Variants in WDR33 observed in about 807,000 individuals in gnomAD.
WDR33 encodes the protein WD repeat domain 33, also known as pre-mRNA 3' end processing protein WDR33.
In WDR33, 47 loss-of-function variants were observed where a neutral mutation model predicts 164.9. The ratio of observed to expected loss-of-function variants is 0.29; its 90% CI spans 0.23 to 0.36. WDR33 has a LOEUF of 0.36. Ranked by LOEUF, WDR33 falls within the 10% of genes least tolerant of loss-of-function variation. The probability of loss-of-function intolerance (pLI) is 1.00; values close to 1 mark genes in which losing one functional copy is unlikely to be tolerated. For synonymous variants in WDR33, 505 were observed against 589.0 expected (o/e 0.86, Z 2.06); for missense variants, 1,137 against 1,754.1 (o/e 0.65, Z 6.28).
In WDR33 at chr2:127,710,868, C is replaced by T. The variant is rs995778484; in HGVS notation, c.3309-1012G>A. On this transcript the variant is annotated intron_variant, in intron 18 of 21. Transcript: ENST00000322313. The surrounding 1 kb of genome is among the most constrained non-coding windows in gnomAD (Gnocchi z 4.4). ...TTACAGTAAAGCTGAAAGAACAGTA[C>T]AATGAACATCCCAGATCCTCCACCC... Among the ~76,000 whole-genome samples, 2 of 152,156 alleles carry T rather than the reference C, an allele frequency of 1.3e-5. No homozygotes were observed. The highest frequency in any genetic ancestry group is 6.5e-5 in the Admixed American group (1 of 15,286).
Position 127,713,932 on chromosome 2 carries a change from T to C in WDR33, c.2959A>G (p.Arg987Gly). 6.2e-7 allele frequency: 1 copy of C among 1,604,996 alleles called. No individual in the cohort carries two copies. Among genetic ancestry groups the C allele is most frequent in the Non-Finnish European group, 8.5e-7 (1 of 1,175,252 alleles). Reference protein sequence around the residue: ...QSGGPEHGPERGPFRGGQDCR... With the variant: ...QSGGPEHGPEGGPFRGGQDCR... ...TCCTGGCCACCCCGGAAAGGCCCCC[T>C]CTCGGGCCCATGCTCAGGCCCGCCG... The change falls in exon 18 of 22, where the codon AGG (arginine) becomes GGG (glycine). Residue 987 changes from arginine (R) to glycine (G), a missense_variant. Arg to Gly is a moderately radical substitution (Grantham distance 125). Coordinates refer to ENST00000322313, the MANE Select transcript of WDR33 (RefSeq NM_018383.5). This position sits in a 1 kb window ranked among gnomAD's most constrained non-coding sequence, Gnocchi z 6.2.
At chr2:127,750,697 T>TGC (rs1558936908) in intron 7 of WDR33, among the ~76,000 whole-genome samples, 3 of 56,734 alleles carry the variant, frequency 5.3e-5, no homozygotes, top group African/African-American at 2.9e-4. Flanking sequence ...TATATATATA[T>TGC]ATATATATAT....
rs1447662364 is a variant in WDR33 at position 127,726,174 on chromosome 2, T to A, written c.851+477A>T. On this transcript the variant is annotated intron_variant, in intron 8 of 21. Coordinates refer to ENST00000322313, the MANE Select transcript of WDR33 (RefSeq NM_018383.5). This position sits in a 1 kb window ranked among gnomAD's most constrained non-coding sequence, Gnocchi z 4.8. ...GCATGTAGCTGTGAATGTTCACAAA[T>A]AACTGAAAGAGAAAACTAGATTACA... 6.6e-6 allele frequency among the ~76,000 whole-genome samples: 1 copy of A among 152,136 alleles called. No homozygotes were observed. The highest frequency in any genetic ancestry group is 1.5e-5 in the Non-Finnish European group (1 of 68,020).
intron 7 of WDR33, among the ~76,000 whole-genome samples, chr2:127,733,994 A>G (rs1327739014): frequency 1.3e-5 from 2 of 152,182 alleles, no homozygotes; most frequent in African/African-American, 2.4e-5. Context: ...CTCACTAAAT[A>G]TAACATCCAG....
At chr2:127,762,469 G>C (rs944776996) in intron 7 of WDR33, 1 of 963,762 alleles carries the variant, frequency 1.0e-6, no homozygotes, top group Non-Finnish European at 1.2e-6. Flanking sequence ...TAAAATAATC[G>C]AAGTGAGAAT....
At chr2:127,805,881 C>T (rs1689420366) in intron 1 of WDR33, among the ~76,000 whole-genome samples, 1 of 151,714 alleles carries the variant, frequency 6.6e-6, no homozygotes, top group African/African-American at 2.4e-5. Context: ...TCTGTTGCCA[C>T]CTATAGCTGG....
At chr2:127,711,781 T>TATATATATATATA (rs1491108798) in intron 18 of WDR33, among the ~76,000 whole-genome samples, 6 of 93,964 alleles carry the variant, frequency 6.4e-5, no homozygotes, top group African/African-American at 1.7e-4. Flanking sequence ...TATATATATA[T>TATATATATATATA]TTTTTTTTTG....
At chr2:127,737,162 A>C (rs1014434465) in intron 7 of WDR33, 1 of 985,322 alleles carries the variant, frequency 1.0e-6, no homozygotes, top group African/African-American at 1.7e-5. Flanking sequence ...AGTATTCATC[A>C]AAGATGCTTA....
Position 127,770,817 on chromosome 2 carries a change from T to C in WDR33, c.165A>G (p.Lys55=), listed in dbSNP as rs1438998042. ...GKRMRKAVNR[K]TIDYNPSVIK... ...TTACAGATGGATTGTAGTCTATGGT[T>C]TTTCGGTTCACAGCTTTTCTCATTC... Residue 55 remains lysine, a synonymous_variant, in exon 2 of 22, where the codon AAA becomes AAG. Transcript: ENST00000322313. This position sits in a 1 kb window ranked among gnomAD's most constrained non-coding sequence, Gnocchi z 4.9. 5.0e-6 allele frequency: 8 copies of C among 1,614,160 alleles called. No individual in the cohort carries two copies. The highest frequency in any genetic ancestry group is 6.8e-6 in the Non-Finnish European group (8 of 1,180,012).
rs1236401945 is a variant in WDR33 at position 127,764,745 on chromosome 2, G to A, written c.626+83C>T. The A allele has an allele frequency of 1.2e-6, 2 of 1,614,142 alleles. No homozygotes were observed. The highest frequency in any genetic ancestry group is 2.2e-5 in the South Asian group (2 of 91,084). On this transcript the variant is annotated intron_variant, in intron 6 of 21. Coordinates refer to ENST00000322313, the MANE Select transcript of WDR33 (RefSeq NM_018383.5). The surrounding 1 kb of genome is among the most constrained non-coding windows in gnomAD (Gnocchi z 6.2). Reference sequence around the variant, plus strand: ...TTTCCCAGAAACTGACAGAGCCCATGCATCTCTGCACCCAGAATACACTTA... The same window carrying A: ...TTTCCCAGAAACTGACAGAGCCCATACATCTCTGCACCCAGAATACACTTA...
chr2:127,735,518 G>A lies in WDR33; in HGVS notation c.725-8741C>T. The A allele has an allele frequency of 2.0e-6, 2 of 985,434 alleles. No homozygotes were observed. The highest frequency in any genetic ancestry group is 2.4e-6 in the Non-Finnish European group (2 of 829,668). 61.0% of individuals were successfully genotyped at this position (985,434 alleles called of 1,614,324 possible). A position where few individuals can be genotyped will look rare whatever the true frequency, so the allele number is the denominator to read the frequency against. ...ATACAAAACTTATAAAAAGCACCAA[G>A]ATTTTCTAATACAGGAAGAAAAAAG... On this transcript the variant is annotated intron_variant, in intron 7 of 21. Coordinates refer to ENST00000322313, the MANE Select transcript of WDR33 (RefSeq NM_018383.5). The surrounding 1 kb of genome is among the most constrained non-coding windows in gnomAD (Gnocchi z 4.3).
intron 1 of WDR33, among the ~76,000 whole-genome samples, chr2:127,804,961 A>G (rs941597314): frequency 6.6e-6 from 1 of 152,152 alleles, no homozygotes; most frequent in Non-Finnish European, 1.5e-5. Context: ...TGGCATTGTA[A>G]ATAACGCAAG....
chr2:127,805,990 G>GA (rs1256867197), intron 1 of WDR33, among the ~76,000 whole-genome samples: 1 of 150,568 alleles, frequency 6.6e-6, no homozygotes, highest in Non-Finnish European at 1.5e-5. Flanking sequence ...GCTCACACCT[G>GA]TAATCCTAGC....
In WDR33 at chr2:127,703,623, C is replaced by T. The variant is rs1164497862; in HGVS notation, c.*2700G>A. 2 of 167,064 alleles carry T rather than the reference C, an allele frequency of 1.2e-5. No individual in the cohort carries two copies. The highest frequency in any genetic ancestry group is 4.8e-5 in the African/African-American group (2 of 41,436). The allele number at this position is 167,064 out of a possible 1,614,324, so 10.3% of individuals were successfully genotyped here. A position where few individuals can be genotyped will look rare whatever the true frequency, so the allele number is the denominator to read the frequency against. Reference sequence around the variant, plus strand: ...CCCCATCAGTAAACAAGGTTACCTACCTCAGGAGGCTGCTTGTGAGAGAGC... The same window carrying T: ...CCCCATCAGTAAACAAGGTTACCTATCTCAGGAGGCTGCTTGTGAGAGAGC... On this transcript the variant is annotated 3_prime_UTR_variant, in exon 22 of 22. Coordinates refer to ENST00000322313, the MANE Select transcript of WDR33 (RefSeq NM_018383.5).
intron 1 of WDR33, among the ~76,000 whole-genome samples, chr2:127,809,357 G>C (rs77682798): frequency 5.4e-5 from 8 of 147,912 alleles, no homozygotes. Flanking sequence ...AATTATCCAA[G>C]TTAAGCCATC....
At chr2:127,733,249 G>A (rs1686754971) in intron 7 of WDR33, among the ~76,000 whole-genome samples, 1 of 152,176 alleles carries the variant, frequency 6.6e-6, no homozygotes, top group Non-Finnish European at 1.5e-5. Flanking sequence ...ATCTGCTCCA[G>A]ACACTACAAA....
chr2:127,736,539 C>G, intron 7 of WDR33: 1 of 985,414 alleles, frequency 1.0e-6, no homozygotes, highest in Non-Finnish European at 1.2e-6. Flanking sequence ...CTGGCAGTCT[C>G]TAAGTCACAC....
chr2:127,747,454 T>TA (rs1687199435), intron 7 of WDR33, among the ~76,000 whole-genome samples: 1 of 149,712 alleles, frequency 6.7e-6, no homozygotes, highest in Non-Finnish European at 1.5e-5. Flanking sequence ...AAAAAAAAAG[T>TA]AAAAACTTTT....
In WDR33 at chr2:127,714,877, C is replaced by G. The variant is rs981536804; in HGVS notation, c.2870-856G>C. 6.6e-6 allele frequency among the ~76,000 whole-genome samples: 1 copy of G among 152,104 alleles called. No homozygotes were observed. The highest frequency in any genetic ancestry group is 1.5e-5 in the Non-Finnish European group (1 of 68,026). On this transcript the variant is annotated intron_variant, in intron 17 of 21. Transcript: ENST00000322313. The surrounding 1 kb of genome is among the most constrained non-coding windows in gnomAD (Gnocchi z 4.3). ...TTTTTGGTTAACATACAATTTAAAT[C>G]AAACACTTTTTAAAAGTAGGTAGCG... is the stretch of plus-strand genomic sequence containing the variant.
Sources: allele counts gnomAD v4.1 joint callset (sites outside exome capture counted in the v4.1 genomes callset), GRCh38; gene constraint gnomAD v4.1.1; non-coding constraint Gnocchi (gnomAD v3.1); transcripts MANE v1.5; gene names NCBI Gene and HGNC (gene_info 2026-07-23, HGNC 2026-07-21).